RERE: variants seen among roughly 807,000 people sequenced by gnomAD.
The protein encoded by RERE is arginine-glutamic acid dipeptide repeats.
Under a neutral mutation model 146.1 loss-of-function variants are expected in RERE, and 40 were observed. The ratio of observed to expected loss-of-function variants is 0.27; its 90% CI spans 0.21 to 0.36. RERE has a LOEUF of 0.36. Ranked by LOEUF, RERE falls within the 10% of genes least tolerant of loss-of-function variation. The pLI is 1.00. For synonymous variants in RERE, 1,003 were observed against 866.0 expected, an observed-to-expected ratio of 1.16 and a Z score of -2.78; for missense variants, 1,933 against 2,138.7, an observed-to-expected ratio of 0.90 and a Z score of 1.90.
At chr1:8,444,166 G>A (rs1232403399) in intron 11 of RERE, among the ~76,000 whole-genome samples, 1 of 152,224 alleles carries the variant, frequency 6.6e-6, no homozygotes, top group African/African-American at 2.4e-5. Flanking sequence ...CACAGAAGTG[G>A]AAGTGCCCAA....
intron 7 of RERE, among the ~76,000 whole-genome samples, chr1:8,522,788 G>GCTTC (rs1557671135): frequency 6.6e-6 from 1 of 151,570 alleles, no homozygotes; most frequent in Admixed American, 6.6e-5. Flanking sequence ...CAGGCAAATC[G>GCTTC]CTTGAACCCA....
chr1:8,631,854 A>G (rs2124252875), intron 2 of RERE, among the ~76,000 whole-genome samples: 1 of 152,344 alleles, frequency 6.6e-6, no homozygotes, highest in Non-Finnish European at 1.5e-5. Context: ...CTATTTTAAA[A>G]TTCAGTGACA....
chr1:8,422,584 G>GTAAA (rs1447929092), intron 12 of RERE, 143 bp downstream of exon 12: 30 of 611,042 alleles, frequency 4.9e-5, no homozygotes, highest in Non-Finnish European at 8.9e-5. Context: ...AGTCAAGGGA[G>GTAAA]TAAAACGGAG....
chr1:8,398,932 A>G (rs1643153595), intron 12 of RERE, among the ~76,000 whole-genome samples: 1 of 152,310 alleles, frequency 6.6e-6, no homozygotes, highest in South Asian at 2.1e-4. Flanking sequence ...TAGAACTGAT[A>G]AACTTTTTTG....
chr1:8,688,878 T>C (rs1192521693), intron 1 of RERE, among the ~76,000 whole-genome samples: 1 of 152,206 alleles, frequency 6.6e-6, no homozygotes, highest in African/African-American at 2.4e-5. Context: ...TTTTGGTAGA[T>C]TAGGTGAATT....
intron 12 of RERE, among the ~76,000 whole-genome samples, chr1:8,370,620 A>T (rs1642001072): frequency 6.6e-6 from 1 of 152,218 alleles, no homozygotes. Context: ...CGAGTCTAGG[A>T]TCGGAAATGG....
chr1:8,768,717 G>T (rs950895639), intron 1 of RERE, among the ~76,000 whole-genome samples: 1 of 152,172 alleles, frequency 6.6e-6, no homozygotes, highest in African/African-American at 2.4e-5. Flanking sequence ...CAAAAGATGT[G>T]AATTCACTCA....
intron 7 of RERE, among the ~76,000 whole-genome samples, chr1:8,540,320 G>A (rs925510979): frequency 6.6e-6 from 1 of 152,024 alleles, no homozygotes; most frequent in Non-Finnish European, 1.5e-5. Context: ...AGCTAGGCTG[G>A]TCTCAAACTC....
intron 2 of RERE, among the ~76,000 whole-genome samples, chr1:8,630,865 T>C (rs561747960): frequency 2.0e-4 from 30 of 152,368 alleles, no homozygotes; most frequent in African/African-American, 6.7e-4. Context: ...ATCAGCTGCA[T>C]CATCTTAAGG....
intron 1 of RERE, chr1:8,786,454 A>G: frequency 1.1e-6 from 1 of 909,542 alleles, no homozygotes; most frequent in East Asian, 2.4e-5. Context: ...TTGTTTATTC[A>G]TCTTGCCATA....
intron 12 of RERE, among the ~76,000 whole-genome samples, chr1:8,373,192 C>T (rs1378132174): frequency 6.6e-6 from 1 of 152,034 alleles, no homozygotes; most frequent in Non-Finnish European, 1.5e-5. Flanking sequence ...CTTTAAGACA[C>T]AAGATTATCT....
At chr1:8,669,952 G>A (rs978508789) in intron 1 of RERE, among the ~76,000 whole-genome samples, 1 of 152,112 alleles carries the variant, frequency 6.6e-6, no homozygotes, top group Non-Finnish European at 1.5e-5. Flanking sequence ...TAATCCACAG[G>A]TACAAATTAT....
chr1:8,708,905 GTTTTTTTTT>G (rs35403792), intron 1 of RERE, among the ~76,000 whole-genome samples: 2 of 72,284 alleles, frequency 2.8e-5, no homozygotes, highest in African/African-American at 1.2e-4. Flanking sequence ...AAACTCTGGA[GTTTTTTTTT>G]TTTTTTTTTT....
intron 10 of RERE, among the ~76,000 whole-genome samples, chr1:8,494,705 T>G (rs1645023990): frequency 6.6e-6 from 1 of 151,986 alleles, no homozygotes; most frequent in African/African-American, 2.4e-5. Flanking sequence ...AGACTCCATC[T>G]CAAAAAAATA....
chr1:8,792,317 A>G (rs988195669), intron 1 of RERE: 1 of 152,256 alleles, frequency 6.6e-6, no homozygotes, highest in Non-Finnish European at 1.5e-5. Context: ...TTTGAAATAC[A>G]CTATGTAGTT....
intron 4 of RERE, among the ~76,000 whole-genome samples, chr1:8,603,291 A>G (rs1158852938): frequency 1.3e-5 from 2 of 152,266 alleles, no homozygotes; most frequent in Non-Finnish European, 2.9e-5. Flanking sequence ...GGGCACATTT[A>G]TGCCAAACAA....
chr1:8,563,718 G>C (rs560731147), intron 4 of RERE, among the ~76,000 whole-genome samples: 1 of 152,274 alleles, frequency 6.6e-6, no homozygotes, highest in African/African-American at 2.4e-5. Context: ...AGTGAAATCA[G>C]ATCAAAATTC....
In RERE at chr1:8,388,942, C is replaced by T. The variant is rs576760914; in HGVS notation, c.1285-22968G>A. Reference sequence around the variant, plus strand: ...AAGGTGCTGTCCGAGCTCCACAGCACACCCACTGCAGGGATACTCCCACTT... The same window carrying T: ...AAGGTGCTGTCCGAGCTCCACAGCATACCCACTGCAGGGATACTCCCACTT... On this transcript the variant is annotated intron_variant, in intron 12 of 22. Transcript: ENST00000400908. 1.3e-4 allele frequency among the ~76,000 whole-genome samples: 20 copies of T among 152,302 alleles called. No homozygotes were observed. The South Asian group carries it at 3.5e-3, about 27-fold the overall frequency.
chr1:8,697,441 G>A (rs1272951933), intron 1 of RERE, among the ~76,000 whole-genome samples: 2 of 130,182 alleles, frequency 1.5e-5, no homozygotes, highest in African/African-American at 6.0e-5. Flanking sequence ...CCCCCAGGCT[G>A]GAGTGCAGTG....
Sources: allele counts gnomAD v4.1 joint callset (sites outside exome capture counted in the v4.1 genomes callset), GRCh38; gene constraint gnomAD v4.1.1; transcripts MANE v1.5; gene names NCBI Gene and HGNC (gene_info 2026-07-23, HGNC 2026-07-21).